The following ZFYVE9 variants were observed in gnomAD, a reference collection of about 807,000 sequenced individuals.
ZFYVE9 encodes the protein zinc finger FYVE-type containing 9.
In ZFYVE9, 43 loss-of-function variants were observed where a neutral mutation model predicts 126.7. The observed-to-expected ratio is 0.34, with a 90% CI of 0.27 to 0.44. The LOEUF is 0.44. ZFYVE9 is among the 20% of genes least tolerant of loss of function. The probability of loss-of-function intolerance (pLI) is 1.00; values close to 1 mark genes in which losing one functional copy is unlikely to be tolerated. For missense variants in ZFYVE9, 1,476 were observed against 1,697.0 expected (o/e 0.87, Z 2.29); for synonymous variants, 521 against 597.4 (o/e 0.87, Z 1.87).
At chr1:52,255,287 A>T (rs980203850) in intron 4 of ZFYVE9, among the ~76,000 whole-genome samples, 4 of 152,186 alleles carry the variant, frequency 2.6e-5, no homozygotes, top group African/African-American at 9.7e-5. Context: ...ACATATTTTT[A>T]AAAAGTAATT....
intron 1 of ZFYVE9, among the ~76,000 whole-genome samples, chr1:52,147,456 G>A (rs140497495): frequency 1.1e-4 from 16 of 152,200 alleles, no homozygotes; most frequent in African/African-American, 3.6e-4. Flanking sequence ...CTGCCTCTAT[G>A]GATTTGCCTA....
intron 13 of ZFYVE9, among the ~76,000 whole-genome samples, chr1:52,314,579 A>T (rs951686268): frequency 1.3e-5 from 2 of 152,130 alleles, no homozygotes; most frequent in South Asian, 2.1e-4. Context: ...GTAGTTTGGG[A>T]TGCCAAGGCG....
At chr1:52,144,084 C>T (rs1044280248) in intron 1 of ZFYVE9, among the ~76,000 whole-genome samples, 6 of 152,112 alleles carry the variant, frequency 3.9e-5, no homozygotes, top group African/African-American at 1.4e-4. Flanking sequence ...AGATGCCCCT[C>T]TCCGAGGCGG....
chr1:52,342,267 CTTTTTTT>C (rs35283062), intron 17 of ZFYVE9, among the ~76,000 whole-genome samples: 1 of 133,214 alleles, frequency 7.5e-6, no homozygotes, highest in Non-Finnish European at 1.6e-5. Context: ...TATATTTTGC[CTTTTTTT>C]TTTTTTTTTG....
Position 52,278,522 on chromosome 1 carries a change from T to A in ZFYVE9, c.2777T>A (p.Ile926Asn). The change falls in exon 9 of 19, where the codon ATT (isoleucine) becomes AAT (asparagine). Residue 926 changes from isoleucine (I) to asparagine (N), a missense_variant. By Grantham distance (149) the Ile-to-Asn change is moderately radical. Transcript: ENST00000287727. ...GCTGTGGAAGAGAAACCATCACAGATTTCAGTAATGCAGCAGTTGGAGGAT... is the reference window on the plus strand; with the variant it reads ...GCTGTGGAAGAGAAACCATCACAGAATTCAGTAATGCAGCAGTTGGAGGAT... ...DYAVEEKPSQ[I>N]SVMQQLEDGG... 6.2e-7 allele frequency: 1 copy of A among 1,614,060 alleles called. No individual in the cohort carries two copies. The highest frequency in any genetic ancestry group is 8.5e-7 in the Non-Finnish European group (1 of 1,179,946).
In ZFYVE9 at chr1:52,178,576, G is replaced by A. The variant is rs1202663692; in HGVS notation, c.-143+36173G>A. Among the ~76,000 whole-genome samples the A allele has an allele frequency of 4.5e-4, 69 of 151,954 alleles. 2 individuals are homozygous for A. Among genetic ancestry groups the A allele is most frequent in the Admixed American group, 4.4e-3 (67 of 15,266 alleles). On this transcript the variant is annotated intron_variant, in intron 1 of 18. Coordinates refer to ENST00000287727, the MANE Select transcript of ZFYVE9 (RefSeq NM_004799.4). ...GAACTCCTGACCTTGTGATCCACCT[G>A]CCTCGGCCTACCAAAGTGCTAGGAT...
intron 13 of ZFYVE9, among the ~76,000 whole-genome samples, chr1:52,307,821 G>A (rs777188649): frequency 2.7e-5 from 4 of 149,770 alleles, no homozygotes; most frequent in Admixed American, 2.0e-4. Flanking sequence ...GAGCGATCTC[G>A]GCTCACTGCA....
At chr1:52,315,151 G>A (rs760851023) in intron 13 of ZFYVE9, among the ~76,000 whole-genome samples, 23 of 152,080 alleles carry the variant, frequency 1.5e-4, no homozygotes, top group East Asian at 1.9e-4. Context: ...ATGTTTGGCC[G>A]GGTGCAGTGG....
intron 1 of ZFYVE9, among the ~76,000 whole-genome samples, chr1:52,168,437 A>C (rs1644533936): frequency 6.6e-6 from 1 of 151,420 alleles, no homozygotes; most frequent in Non-Finnish European, 1.5e-5. Context: ...GGCTGGTCTC[A>C]AACTCCTGAC....
intron 1 of ZFYVE9, among the ~76,000 whole-genome samples, chr1:52,214,508 A>G (rs1645054678): frequency 6.6e-6 from 1 of 152,178 alleles, no homozygotes; most frequent in Non-Finnish European, 1.5e-5. Context: ...CACCAGCCAG[A>G]TTTCAGCTAC....
At chr1:52,291,449 G>A (rs1479208955) in intron 10 of ZFYVE9, among the ~76,000 whole-genome samples, 2 of 152,224 alleles carry the variant, frequency 1.3e-5, no homozygotes, top group African/African-American at 2.4e-5. Context: ...CACATTCGTT[G>A]TTCCATCATT....
At chr1:52,315,845 G>A (rs1241630622) in intron 13 of ZFYVE9, among the ~76,000 whole-genome samples, 2 of 152,186 alleles carry the variant, frequency 1.3e-5, no homozygotes, top group Non-Finnish European at 2.9e-5. Flanking sequence ...TCATCTGTAT[G>A]TTGTGTAAGA....
At position 52,329,918 on chromosome 1, in the gene ZFYVE9, A is replaced by C. The variant is rs142233438; in HGVS notation, c.3439-2850A>C. 2.2e-3 allele frequency among the ~76,000 whole-genome samples: 328 copies of C among 152,126 alleles called. 2 individuals are homozygous for C. The highest frequency in any genetic ancestry group is 0.01 in the Middle Eastern group (3 of 294). On this transcript the variant is annotated intron_variant, in intron 13 of 18. Transcript: ENST00000287727. ...AGACTGTCTCAAAAACAAAACAAAA[A>C]AAAATTCTTCCGTGTCAACAGCAAA...
chr1:52,263,965 G>T, intron 5 of ZFYVE9, 93 bp downstream of exon 5: 1 of 654,702 alleles, frequency 1.5e-6, no homozygotes, highest in South Asian at 2.9e-5. Context: ...TTCTTTACAA[G>T]TTGCTCACCT....
chr1:52,303,510 G>A (rs1646054675), intron 12 of ZFYVE9, among the ~76,000 whole-genome samples: 1 of 152,162 alleles, frequency 6.6e-6, no homozygotes, highest in Non-Finnish European at 1.5e-5. Context: ...GAGCTTCAGA[G>A]GGAGGAGACA....
chr1:52,295,856 G>T lies in ZFYVE9; in HGVS notation c.3251-39G>T, dbSNP rs7554377. 906 of 1,554,926 alleles carry T rather than the reference G, an allele frequency of 5.8e-4. 7 individuals carry two copies. The African/African-American group carries it at 0.011, about 19-fold the overall frequency. On this transcript the variant is annotated intron_variant, in intron 11 of 18. Coordinates refer to ENST00000287727, the MANE Select transcript of ZFYVE9 (RefSeq NM_004799.4). ...GAAATCTCTTTTACCAAAGTTTTAT[G>T]TTGCCAAATTTAAGTTTGATCATTT...
intron 15 of ZFYVE9, among the ~76,000 whole-genome samples, chr1:52,335,448 G>A (rs74080938): frequency 0.028 from 4,214 of 152,238 alleles, 138 homozygotes; most frequent in African/African-American, 0.078. Context: ...TCACACACAC[G>A]TCTGAGGCCT....
At chr1:52,227,974 CTT>C (rs1645185037) in intron 2 of ZFYVE9, among the ~76,000 whole-genome samples, 1 of 152,342 alleles carries the variant, frequency 6.6e-6, no homozygotes, top group South Asian at 2.1e-4. Context: ...GACTGCCACT[CTT>C]CAGTTCCTGC....
intron 4 of ZFYVE9, among the ~76,000 whole-genome samples, chr1:52,255,515 G>A (rs1265770925): frequency 6.6e-6 from 1 of 151,548 alleles, no homozygotes; most frequent in East Asian, 1.9e-4. Flanking sequence ...AACCTGGGAG[G>A]CGGCGGTTGC....
Sources: allele counts gnomAD v4.1 joint callset (sites outside exome capture counted in the v4.1 genomes callset), GRCh38; gene constraint gnomAD v4.1.1; transcripts MANE v1.5; gene names NCBI Gene and HGNC (gene_info 2026-07-23, HGNC 2026-07-21).